The following GTF3C1 variants were observed in gnomAD, a reference collection of about 807,000 sequenced individuals.
The protein encoded by GTF3C1 is general transcription factor 3C polypeptide 1.
Under a neutral mutation model 226.7 loss-of-function variants are expected in GTF3C1, and 57 were observed. The observed-to-expected ratio is 0.25, with a 90% CI of 0.20 to 0.31. The LOEUF (loss-of-function observed/expected upper bound fraction) is 0.31, where lower values mean the gene tolerates loss of function less well. Ranked by LOEUF, GTF3C1 falls within the 10% of genes least tolerant of loss-of-function variation. The pLI, the probability that GTF3C1 is intolerant of heterozygous loss-of-function variation, is 1.00. For missense variants in GTF3C1, 2,217 were observed against 2,776.1 expected, an observed-to-expected ratio of 0.80 and a Z score of 4.53; for synonymous variants, 1,090 against 1,084.8, an observed-to-expected ratio of 1.00 and a Z score of -0.09.
intron 34 of GTF3C1, chr16:27,464,020 C>A (rs2087744281): frequency 2.3e-6 from 1 of 438,004 alleles, no homozygotes; most frequent in African/African-American, 2.1e-5. Flanking sequence ...AGTTGAGACC[C>A]CCATGCCATC....
chr16:27,494,841 A>G lies in GTF3C1; in HGVS notation c.2700T>C (p.Phe900=). The G allele has an allele frequency of 6.2e-7, 1 of 1,612,788 alleles. No homozygotes were observed. The highest frequency in any genetic ancestry group is 8.5e-7 in the Non-Finnish European group (1 of 1,178,742). ...GGATGTCGCTGACGAGAGCCCAGCC[A>G]AAGCCGAAGTCCCTGTGGACTGGGA... ...PPIPVHRDFG[F]GWALVSDILL... is the part of the protein sequence containing the mutation. The change falls in exon 16 of 37, where the codon TTT becomes TTC. Residue 900 remains phenylalanine, a synonymous_variant. Transcript: ENST00000356183.
intron 6 of GTF3C1, among the ~76,000 whole-genome samples, chr16:27,526,610 T>C (rs558485123): frequency 1.3e-5 from 2 of 152,246 alleles, no homozygotes; most frequent in Non-Finnish European, 2.9e-5. Flanking sequence ...AGTTTTTGGC[T>C]ATCGCCCTTC....
chr16:27,463,328 A>C lies in GTF3C1; in HGVS notation c.5924+213T>G, dbSNP rs960573602. On this transcript the variant is annotated intron_variant, in intron 35 of 36. Transcript: ENST00000356183. The surrounding 1 kb of genome is among the most constrained non-coding windows in gnomAD (Gnocchi z 4.9). ...TGGGCATTCTGGAAGCGCAGCCCTC[A>C]TTCCAGGCCGACCTGGGCACTGCCA... 13 of 597,456 alleles carry C rather than the reference A, an allele frequency of 2.2e-5. No individual in the cohort carries two copies. The African/African-American group carries it at 2.4e-4, about 11-fold the overall frequency. The allele number at this position is 597,456 out of a possible 1,614,324, so 37.0% of individuals were successfully genotyped here. A position where few individuals can be genotyped will look rare whatever the true frequency, so the allele number is the denominator to read the frequency against.
In GTF3C1 at chr16:27,469,544, C is replaced by A. The variant is rs1458447461; in HGVS notation, c.4821G>T (p.Gly1607=). The A allele has an allele frequency of 6.8e-6, 11 of 1,609,762 alleles. No individual in the cohort carries two copies. The highest frequency in any genetic ancestry group is 9.3e-6 in the Non-Finnish European group (11 of 1,176,550). The change falls in exon 32 of 37, where the codon GGG becomes GGT. Residue 1607 remains glycine (G), a synonymous_variant. Transcript: ENST00000356183. This position sits in a 1 kb window ranked among gnomAD's most constrained non-coding sequence, Gnocchi z 4.5. ...CGTCATCCTCCAGGCTGCCGTCCTT[C>A]CCCAAGCTAGAAGGGAATTGTGACC... ...MVENEVIKSL[G]KDGSLEDDED...
intron 6 of GTF3C1, among the ~76,000 whole-genome samples, chr16:27,514,389 G>A (rs564857268): frequency 6.6e-6 from 1 of 152,130 alleles, no homozygotes; most frequent in Non-Finnish European, 1.5e-5. Context: ...GGAGACTTTC[G>A]GGACTGTGGA....
rs566423696 is a variant in GTF3C1 at position 27,511,698 on chromosome 16, G to T, written c.1126+51C>A. On this transcript the variant is annotated intron_variant, in intron 7 of 36. Transcript: ENST00000356183. ...TCGACATGTGGGCAAAGCGCTTCTT[G>T]ACTCAAATTCTCGGGATCCATATCC... 1.3e-5 allele frequency: 21 copies of T among 1,594,762 alleles called. No homozygotes were observed. The African/African-American group carries it at 2.7e-4, about 20-fold the overall frequency.
At chr16:27,486,820 A>G (rs904942265) in intron 23 of GTF3C1, among the ~76,000 whole-genome samples, 2 of 152,246 alleles carry the variant, frequency 1.3e-5, no homozygotes, top group African/African-American at 4.8e-5. Flanking sequence ...TGCTTTTTCA[A>G]CATATTATCT....
chr16:27,514,085 G>C (rs537967518), intron 6 of GTF3C1, among the ~76,000 whole-genome samples: 2 of 152,184 alleles, frequency 1.3e-5, no homozygotes, highest in Admixed American at 6.5e-5. Context: ...ACACTCTAAC[G>C]GGGGCCAGCC....
rs368325121 is a variant in GTF3C1, at chr16:27,507,198, G to A, written c.1243-42C>T. 1.0e-4 allele frequency: 146 copies of A among 1,422,156 alleles called. 2 individuals are homozygous for A. In the South Asian group the frequency reaches 1.5e-3, roughly 14 times the overall value. 88.1% of individuals were successfully genotyped at this position (1,422,156 alleles called of 1,614,324 possible). ...GTGTTTATCCCACTGCAAAGAGGGC[G>A]TCATACCCACAGGGGTTCAGGTGGT... On this transcript the variant is annotated intron_variant, in intron 8 of 36. Coordinates refer to ENST00000356183, the MANE Select transcript of GTF3C1 (RefSeq NM_001520.4). This position sits in a 1 kb window ranked among gnomAD's most constrained non-coding sequence, Gnocchi z 4.9.
intron 27 of GTF3C1, among the ~76,000 whole-genome samples, chr16:27,479,553 C>T (rs2088007045): frequency 6.6e-6 from 1 of 152,246 alleles, no homozygotes; most frequent in African/African-American, 2.4e-5. Flanking sequence ...AAAACCACCT[C>T]TGCTTCCTGG....
Position 27,494,767 on chromosome 16 carries a change from T to C in GTF3C1, c.2774A>G (p.Tyr925Cys). 1 of 1,611,926 alleles carries C rather than the reference T, an allele frequency of 6.2e-7. No individual in the cohort carries two copies. Among genetic ancestry groups the C allele is most frequent in the South Asian group, 1.1e-5 (1 of 91,016 alleles). Residue 925 changes from tyrosine (Y) to cysteine (C), a missense_variant, in exon 16 of 37, where the codon TAC becomes TGC. Physicochemically the swap from Tyr to Cys is radical, Grantham distance 194 (BLOSUM62 -2). Around this residue, in one of 12 missense-constraint regions of GTF3C1, gnomAD observed 353 missense variants for 411.7 expected, o/e 0.86. Transcript: ENST00000356183. ...SIFIQIVQVS[Y>C]KVDNLEEFLN... The stretch of plus-strand genomic sequence containing the variant: ...AATGGCTCCTGTCACCAATACCTTG[T>C]AGCTGACTTGCACAATCTGGATGAA...
chr16:27,494,624 T>A, intron 16 of GTF3C1, 139 bp downstream of exon 16: 1 of 625,842 alleles, frequency 1.6e-6, no homozygotes, highest in Non-Finnish European at 2.9e-6. Flanking sequence ...AATGAGCATC[T>A]GCCTATCCAT....
chr16:27,485,632 A>G (rs922332706), intron 24 of GTF3C1, among the ~76,000 whole-genome samples: 8 of 152,220 alleles, frequency 5.3e-5, no homozygotes, highest in Non-Finnish European at 1.0e-4. Flanking sequence ...AAACATTTAT[A>G]TGTATGCAGC....
At position 27,462,840 on chromosome 16, in the gene GTF3C1, C is replaced by T. The variant is rs1030532756; in HGVS notation, c.5925-354G>A. Reference sequence around the variant, plus strand: ...CACCTCCAGGCTGTGGCAAAACTCACGGGAGCGTGACCCTGAAGCTCTGCT... The same window carrying T: ...CACCTCCAGGCTGTGGCAAAACTCATGGGAGCGTGACCCTGAAGCTCTGCT... On this transcript the variant is annotated intron_variant, in intron 35 of 36. Transcript: ENST00000356183. The surrounding 1 kb of genome is among the most constrained non-coding windows in gnomAD (Gnocchi z 4.5). 1.8e-5 allele frequency: 5 copies of T among 273,198 alleles called. No homozygotes were observed. The South Asian group carries it at 2.4e-4, about 13-fold the overall frequency. 16.9% of individuals were successfully genotyped at this position (273,198 alleles called of 1,614,324 possible). A position where few individuals can be genotyped will look rare whatever the true frequency, so the allele number is the denominator to read the frequency against.
intron 25 of GTF3C1, 131 bp from the exon 26 acceptor site, chr16:27,483,256 T>G: frequency 2.5e-6 from 2 of 814,684 alleles, no homozygotes; most frequent in South Asian, 2.9e-5. Flanking sequence ...ATATGCCTGT[T>G]GCACAACTGC....
intron 29 of GTF3C1, among the ~76,000 whole-genome samples, chr16:27,473,346 T>A (rs1357129543): frequency 6.6e-6 from 1 of 152,254 alleles, no homozygotes; most frequent in African/African-American, 2.4e-5. Flanking sequence ...CAAAGGACTG[T>A]GCAGTCAGCA....
At position 27,461,133 on chromosome 16, in the gene GTF3C1, C is replaced by T; in HGVS notation, c.*217G>A. 1.9e-6 allele frequency: 1 copy of T among 518,878 alleles called. No individual in the cohort carries two copies. Among genetic ancestry groups the T allele is most frequent in the East Asian group, 2.9e-5 (1 of 34,188 alleles). The allele number at this position is 518,878 out of a possible 1,614,324, so 32.1% of individuals were successfully genotyped here. A position where few individuals can be genotyped will look rare whatever the true frequency, so the allele number is the denominator to read the frequency against. ...GAGGCCAGTTCCCAAGGGGAAGGCC[C>T]AGAAGAGCCTGGGGGATGGGCAGGT... is the stretch of plus-strand genomic sequence containing the variant. On this transcript the variant is annotated 3_prime_UTR_variant, in exon 37 of 37. Coordinates refer to ENST00000356183, the MANE Select transcript of GTF3C1 (RefSeq NM_001520.4). The surrounding 1 kb of genome is among the most constrained non-coding windows in gnomAD (Gnocchi z 5.3).
At chr16:27,503,849 G>A (rs150409047) in intron 10 of GTF3C1, among the ~76,000 whole-genome samples, 2 of 152,118 alleles carry the variant, frequency 1.3e-5, no homozygotes, top group African/African-American at 2.4e-5. Context: ...TCCCAGCTGG[G>A]AGTAGCACTT....
chr16:27,536,575 T>C (rs1318710649), intron 4 of GTF3C1, among the ~76,000 whole-genome samples: 1 of 152,172 alleles, frequency 6.6e-6, no homozygotes, highest in East Asian at 1.9e-4. Flanking sequence ...CCCCTGGAGA[T>C]CCGCAGTCAA....
Sources: gnomAD v4.1 joint callset for allele counts (sites outside exome capture counted in the v4.1 genomes callset) on GRCh38, gnomAD v4.1.1 for gene constraint, gnomAD v4.1.1 regional missense constraint, Gnocchi (gnomAD v3.1) non-coding constraint, MANE v1.5 for transcripts, NCBI Gene and HGNC (gene_info 2026-07-23, HGNC 2026-07-21) for gene names.